Variants in RBFOX1 observed in about 807,000 individuals in gnomAD.
RBFOX1 encodes RNA binding protein fox-1 homolog 1.
In RBFOX1, 8 loss-of-function variants were observed where a neutral mutation model predicts 57.7. The ratio of observed to expected loss-of-function variants is 0.14; its 90% CI spans 0.08 to 0.25. The LOEUF is 0.25. RBFOX1 is among the 10% of genes least tolerant of loss of function. RBFOX1 has a pLI of 1.00. For missense variants in RBFOX1, 611 were observed against 548.5 expected, an observed-to-expected ratio of 1.11 and a Z score of -1.14; for synonymous variants, 326 against 222.4, an observed-to-expected ratio of 1.47 and a Z score of -4.15.
intron 4 of RBFOX1, among the ~76,000 whole-genome samples, chr16:7,229,874 A>G (rs2093390340): frequency 4.7e-5 from 1 of 21,462 alleles, no homozygotes; most frequent in African/African-American, 3.2e-4. Context: ...GAGAGGAAGG[A>G]AGGGAGAGAG....
At chr16:6,150,727 C>T (rs1330519583) in intron 1 of RBFOX1, among the ~76,000 whole-genome samples, 1 of 152,124 alleles carries the variant, frequency 6.6e-6, no homozygotes, top group Non-Finnish European at 1.5e-5. Context: ...CGCATGAGAG[C>T]TGGGGAATGG....
chr16:6,195,090 C>A (rs905449204), intron 1 of RBFOX1, among the ~76,000 whole-genome samples: 1 of 152,152 alleles, frequency 6.6e-6, no homozygotes, highest in African/African-American at 2.4e-5. Context: ...TGTTAGGGTT[C>A]ACAGTTTTGC....
chr16:5,435,175 CCT>C (rs527247386), intron 1 of RBFOX1, among the ~76,000 whole-genome samples: 514 of 152,286 alleles, frequency 3.4e-3, no homozygotes, highest in Non-Finnish European at 5.9e-3. Flanking sequence ...TGTGGTTCCC[CCT>C]GTTTACGCTC....
At chr16:6,005,998 A>T (rs377620386) in intron 4 of RBFOX1, among the ~76,000 whole-genome samples, 2 of 152,340 alleles carry the variant, frequency 1.3e-5, no homozygotes, top group African/African-American at 4.8e-5. Context: ...GCTTGGGCCA[A>T]TTCATGGAGA....
intron 2 of RBFOX1, among the ~76,000 whole-genome samples, chr16:6,531,064 C>G (rs571597965): frequency 2.0e-5 from 3 of 152,290 alleles, no homozygotes; most frequent in East Asian, 3.9e-4. Flanking sequence ...GCAAACTGGC[C>G]CAAGCTCAGC....
At chr16:7,413,348 A>G (rs1305749012) in intron 4 of RBFOX1, among the ~76,000 whole-genome samples, 2 of 151,632 alleles carry the variant, frequency 1.3e-5, no homozygotes, top group East Asian at 3.9e-4. Flanking sequence ...CTTCCTCTGT[A>G]GCAATGGGTC....
chr16:5,306,610 G>T (rs913422361), intron 1 of RBFOX1, among the ~76,000 whole-genome samples: 3 of 152,142 alleles, frequency 2.0e-5, no homozygotes, highest in African/African-American at 7.2e-5. Flanking sequence ...CCTGGCCGGG[G>T]TCTTGTAGAA....
intron 4 of RBFOX1, among the ~76,000 whole-genome samples, chr16:7,361,681 T>C (rs923505042): frequency 2.0e-5 from 3 of 152,216 alleles, no homozygotes; most frequent in Non-Finnish European, 4.4e-5. Context: ...CTGAGCCACG[T>C]TCCTGCCTGG....
At chr16:5,589,479 G>A (rs1455465144) in intron 2 of RBFOX1, among the ~76,000 whole-genome samples, 2 of 152,130 alleles carry the variant, frequency 1.3e-5, no homozygotes, top group Admixed American at 6.6e-5. Flanking sequence ...TCTTCCAGAG[G>A]AAGAAACTCA....
intron 1 of RBFOX1, among the ~76,000 whole-genome samples, chr16:6,302,190 A>G (rs2078899028): frequency 6.6e-6 from 1 of 151,988 alleles, no homozygotes; most frequent in Non-Finnish European, 1.5e-5. Flanking sequence ...GGCATATTAG[A>G]TACATAACTT....
intron 4 of RBFOX1, among the ~76,000 whole-genome samples, chr16:5,874,493 G>A (rs2057556498): frequency 6.6e-6 from 1 of 152,064 alleles, no homozygotes; most frequent in South Asian, 2.1e-4. Flanking sequence ...ATTGGACTGA[G>A]CAGAGATATT....
intron 2 of RBFOX1, among the ~76,000 whole-genome samples, chr16:6,406,369 C>G (rs1315326219): frequency 2.0e-4 from 30 of 152,014 alleles, no homozygotes. Flanking sequence ...TGCCCAGAAA[C>G]CTGGTATGCA....
chr16:5,630,869 T>A (rs1479815495), intron 3 of RBFOX1, among the ~76,000 whole-genome samples: 1 of 152,244 alleles, frequency 6.6e-6, no homozygotes, highest in East Asian at 1.9e-4. Flanking sequence ...CATGTTTTAG[T>A]TTGCTGATGT....
intron 1 of RBFOX1, chr16:5,365,933 G>C (rs1188946521): frequency 2.0e-6 from 1 of 493,488 alleles, no homozygotes. Context: ...CTTTAAGAAT[G>C]GTCAGTTTAG....
intron 3 of RBFOX1, among the ~76,000 whole-genome samples, chr16:5,609,479 G>A (rs985284369): frequency 2.0e-5 from 3 of 152,182 alleles, no homozygotes; most frequent in African/African-American, 7.2e-5. Flanking sequence ...TATTCAAGAA[G>A]GCTATTTCCT....
chr16:6,061,347 A>C (rs1419861448), intron 1 of RBFOX1, among the ~76,000 whole-genome samples: 2 of 152,164 alleles, frequency 1.3e-5, no homozygotes, highest in Non-Finnish European at 2.9e-5. Flanking sequence ...TGTAAGCGAC[A>C]AGTGGTCAGA....
intron 9 of RBFOX1, among the ~76,000 whole-genome samples, chr16:7,599,313 A>G (rs1450543195): frequency 6.6e-6 from 1 of 152,270 alleles, no homozygotes; most frequent in East Asian, 1.9e-4. Context: ...GTGCTTGTCT[A>G]CATATGACTA....
At chr16:5,691,167 T>G (rs1292279660) in intron 3 of RBFOX1, among the ~76,000 whole-genome samples, 4 of 152,252 alleles carry the variant, frequency 2.6e-5, no homozygotes, top group African/African-American at 9.6e-5. Context: ...TCTGAGCTCC[T>G]CAACATCTTT....
rs1434088017 is a variant in RBFOX1 at position 6,988,738 on chromosome 16, T to TTTG, written c.-15-63317_-15-63316insGTT. Among the ~76,000 whole-genome samples the TTTG allele has an allele frequency of 1.1e-3, 78 of 68,226 alleles. 3 individuals carry two copies. The highest frequency in any genetic ancestry group is 5.6e-3 in the African/African-American group (71 of 12,702). The allele number at this position is 68,226 out of a possible 152,430, so 44.8% of individuals were successfully genotyped here. On this transcript the variant is annotated intron_variant, in intron 3 of 15. Coordinates refer to ENST00000550418, the MANE Select transcript of RBFOX1 (RefSeq NM_018723.4). ...TGACATCACACCCAGCTAATTTTTT[T>TTTG]TTTTGTTTGTTTGTTTTTTGTTTTT...
Sources: allele counts gnomAD v4.1 joint callset (sites outside exome capture counted in the v4.1 genomes callset), GRCh38; gene constraint gnomAD v4.1.1; transcripts MANE v1.5; gene names NCBI Gene and HGNC (gene_info 2026-07-23, HGNC 2026-07-21).